The following CYP4B1 variants were observed in gnomAD, a reference collection of about 807,000 sequenced individuals.
The protein encoded by CYP4B1 is cytochrome P450 4B1.
In CYP4B1, 45 loss-of-function variants were observed where a neutral mutation model predicts 54.0. The observed-to-expected ratio is 0.83, with a 90% CI of 0.66 to 1.07. The LOEUF (loss-of-function observed/expected upper bound fraction) is 1.07, where lower values mean the gene tolerates loss of function less well. CYP4B1 is among the 50% of genes least tolerant of loss of function. CYP4B1 has a pLI of 0.00. For missense variants in CYP4B1, 656 were observed against 655.4 expected, an observed-to-expected ratio of 1.00 and a Z score of -0.01; for synonymous variants, 248 against 247.5, an observed-to-expected ratio of 1.00 and a Z score of -0.02.
chr1:46,808,828 A>T (rs1678967516), intron 1 of CYP4B1, among the ~76,000 whole-genome samples: 1 of 150,736 alleles, frequency 6.6e-6, no homozygotes, highest in Middle Eastern at 3.2e-3. Flanking sequence ...AGGGACATGG[A>T]TGAAATTGGA....
intron 5 of CYP4B1, 83 bp from the exon 6 acceptor site, chr1:46,813,826 G>A: frequency 6.5e-7 from 1 of 1,542,792 alleles, no homozygotes; most frequent in South Asian, 1.2e-5. Flanking sequence ...CTGTGGTTGG[G>A]GCTAGATTCC....
intron 1 of CYP4B1, among the ~76,000 whole-genome samples, chr1:46,806,422 C>T (rs1199762971): frequency 2.0e-5 from 3 of 152,200 alleles, no homozygotes; most frequent in East Asian, 1.9e-4. Flanking sequence ...GCCCACTGAG[C>T]TTCGGGTCAA....
chr1:46,817,265 C>T, intron 9 of CYP4B1, 84 bp downstream of exon 9: 3 of 1,555,170 alleles, frequency 1.9e-6, no homozygotes, highest in Non-Finnish European at 2.6e-6. Context: ...AATCTTTGCA[C>T]TTTTGGGGAA....
rs757410886 is a variant in CYP4B1 at position 46,818,224 on chromosome 1, ACCCAGTATCCCAGGCCCT to A, written c.1355+13_1355+30del. ...CTCTGCTGGGCCCAGGTATGGAGAG[ACCCAGTATCCCAGGCCCT>A]CAGGACTGGGGAGGAGAGGGTGGAT... On this transcript the variant is annotated intron_variant, in intron 11 of 11. Coordinates refer to ENST00000371923, the MANE Select transcript of CYP4B1 (RefSeq NM_001099772.2). 1.1e-5 allele frequency: 18 copies of A among 1,612,556 alleles called. No homozygotes were observed. Among genetic ancestry groups the A allele is most frequent in the Non-Finnish European group, 1.2e-5 (14 of 1,178,820 alleles).
At chr1:46,815,629 G>A (rs1679306271) in intron 8 of CYP4B1, among the ~76,000 whole-genome samples, 1 of 152,206 alleles carries the variant, frequency 6.6e-6, no homozygotes, top group Non-Finnish European at 1.5e-5. Flanking sequence ...GAACAGAGCT[G>A]AGACAGCTGG....
At chr1:46,800,760 C>T (rs368387399) in intron 1 of CYP4B1, among the ~76,000 whole-genome samples, 3 of 152,148 alleles carry the variant, frequency 2.0e-5, no homozygotes, top group Non-Finnish European at 4.4e-5. Context: ...TGAGCTTGAC[C>T]TCTAGGCTTA....
chr1:46,813,972 G>A lies in CYP4B1; in HGVS notation c.684G>A (p.Val228=). Residue 228 remains valine (V), a synonymous_variant, in exon 6 of 12, where the codon GTG becomes GTA. Transcript: ENST00000371923. The part of the protein sequence containing the change: ...DLTLLMQQRL[V]SFQYHNDFIY... ...CTCTGTTGATGCAGCAGCGCCTTGT[G>A]TCCTTCCAGTACCATAATGACTTCA... 6.2e-7 allele frequency: 1 copy of A among 1,614,162 alleles called. No individual in the cohort carries two copies. The highest frequency in any genetic ancestry group is 8.5e-7 in the Non-Finnish European group (1 of 1,180,028).
intron 11 of CYP4B1, 138 bp downstream of exon 11, chr1:46,818,351 CTT>C: frequency 1.2e-6 from 1 of 827,386 alleles, no homozygotes; most frequent in Non-Finnish European, 1.9e-6. Context: ...ATGCAGGAGG[CTT>C]CTTCTTGCAA....
rs777395364 is a variant in CYP4B1 at position 46,818,615 on chromosome 1, G to A, written c.1356-16G>A. ...ATGCTCCATTGCACGATGACTCTTT[G>A]TGCTGCTTGCTACAGGAACTGCATT... is the stretch of plus-strand genomic sequence containing the variant. On this transcript the variant is annotated splice_polypyrimidine_tract_variant and intron_variant, in intron 11 of 11. Transcript: ENST00000371923. 3 of 1,613,706 alleles carry A rather than the reference G, an allele frequency of 1.9e-6. No individual in the cohort carries two copies. The highest frequency in any genetic ancestry group is 2.5e-6 in the Non-Finnish European group (3 of 1,179,596).
At chr1:46,818,073 G>A in intron 10 of CYP4B1, 44 bp downstream of exon 10, 1 of 1,612,190 alleles carries the variant, frequency 6.2e-7, no homozygotes, top group Middle Eastern at 1.7e-4. Context: ...GTGGGGGACT[G>A]GGAGGGTCAC....
intron 8 of CYP4B1, among the ~76,000 whole-genome samples, chr1:46,815,794 C>G (rs554224575): frequency 3.3e-5 from 5 of 152,192 alleles, no homozygotes; most frequent in African/African-American, 1.2e-4. Flanking sequence ...AGACTGAACT[C>G]CTAAACACTT....
At chr1:46,817,892 G>T in intron 9 of CYP4B1, 73 bp from the exon 10 acceptor site, 1 of 1,352,668 alleles carries the variant, frequency 7.4e-7, no homozygotes, top group Non-Finnish European at 1.1e-6. Flanking sequence ...GTCACTAGGG[G>T]ACTCTGACCT....
chr1:46,800,401 G>T (rs1035150286), intron 1 of CYP4B1, among the ~76,000 whole-genome samples: 22 of 150,198 alleles, frequency 1.5e-4, no homozygotes, highest in African/African-American at 5.2e-4. Context: ...CGCAATTTTG[G>T]CTCACTGCAA....
rs540855394 is a variant in CYP4B1 at position 46,809,167 on chromosome 1, C to T, written c.181-1641C>T. ...AAAAAACAAAAAAATAAACAATATG[C>T]AAAATCCTTAAAAAAAAACAAAACA... On this transcript the variant is annotated intron_variant, in intron 1 of 11. Transcript: ENST00000371923. Among the ~76,000 whole-genome samples, 20 of 150,206 alleles carry T rather than the reference C, an allele frequency of 1.3e-4. No individual in the cohort carries two copies. In the South Asian group the frequency reaches 4.2e-3, roughly 32 times the overall value.
intron 8 of CYP4B1, among the ~76,000 whole-genome samples, chr1:46,816,033 A>G (rs774983654): frequency 2.7e-4 from 41 of 152,202 alleles, no homozygotes; most frequent in Non-Finnish European, 5.0e-4. Flanking sequence ...GGACTGACCT[A>G]TAACTCCAGG....
At chr1:46,801,689 T>C (rs1678668625) in intron 1 of CYP4B1, among the ~76,000 whole-genome samples, 1 of 152,138 alleles carries the variant, frequency 6.6e-6, no homozygotes, top group Non-Finnish European at 1.5e-5. Context: ...GAGAAATGGG[T>C]TGGGCAGAGA....
intron 1 of CYP4B1, among the ~76,000 whole-genome samples, chr1:46,805,904 G>T (rs899099026): frequency 5.3e-5 from 8 of 152,122 alleles, no homozygotes; most frequent in Non-Finnish European, 2.9e-5. Context: ...GGGCACCAAA[G>T]GGCACCTAAG....
Position 46,819,173 on chromosome 1 carries a change from T to G in CYP4B1, c.*359T>G, listed in dbSNP as rs1024811500. ...AGTGAGCACAAGGAAAGTTTTGCCC[T>G]GAGATTCATGGTTATGGCTGGGTAC... On this transcript the variant is annotated 3_prime_UTR_variant, in exon 12 of 12. Coordinates refer to ENST00000371923, the MANE Select transcript of CYP4B1 (RefSeq NM_001099772.2). The G allele has an allele frequency of 5.3e-6, 1 of 189,094 alleles. No homozygotes were observed. The highest frequency in any genetic ancestry group is 1.1e-5 in the Non-Finnish European group (1 of 92,012). 11.7% of individuals were successfully genotyped at this position (189,094 alleles called of 1,614,324 possible).
intron 11 of CYP4B1, 114 bp downstream of exon 11, chr1:46,818,327 T>C (rs1011945487): frequency 9.8e-6 from 10 of 1,023,148 alleles, no homozygotes; most frequent in Non-Finnish European, 1.5e-5. Context: ...CATGCTGGGT[T>C]TGTGGTGGTT....
Sources: allele counts gnomAD v4.1 joint callset (sites outside exome capture counted in the v4.1 genomes callset), GRCh38; gene constraint gnomAD v4.1.1; transcripts MANE v1.5; gene names NCBI Gene and HGNC (gene_info 2026-07-23, HGNC 2026-07-21).